Variants in SIM2 observed in about 807,000 individuals in gnomAD.
SIM2 encodes SIM bHLH transcription factor 2, also known as single-minded homolog 2.
SIM2 carries 28 observed loss-of-function variants against 64.8 expected under a neutral mutation model. The observed-to-expected ratio is 0.43, with a 90% CI of 0.32 to 0.59. The LOEUF (loss-of-function observed/expected upper bound fraction) is 0.59, where lower values mean the gene tolerates loss of function less well. Among genes scored for constraint, SIM2 ranks in the 20% least tolerant of loss-of-function variants. The pLI is 0.07. For synonymous variants in SIM2, 408 were observed against 391.1 expected, an observed-to-expected ratio of 1.04 and a Z score of -0.51; for missense variants, 847 against 871.4, an observed-to-expected ratio of 0.97 and a Z score of 0.35.
At chr21:36,743,315 G>A in intron 8 of SIM2, 72 bp from the exon 9 acceptor site, 1 of 1,404,642 alleles carries the variant, frequency 7.1e-7, no homozygotes, top group South Asian at 1.3e-5. Flanking sequence ...CCCTGCCCAA[G>A]GGCTGGGGCC....
Position 36,745,493 on chromosome 21 carries a change from A to AGCG in SIM2, c.1576+357_1576+358insGCG. Reference sequence around the variant, plus strand: ...AACACCCCAGCTGCATTTCTTTTGCAAGATTCCTTTCCACTCCAACCAGAA... The same window carrying AGCG: ...AACACCCCAGCTGCATTTCTTTTGCAGCGAGATTCCTTTCCACTCCAACCAGAA... On this transcript the variant is annotated intron_variant, in intron 10 of 10. Coordinates refer to ENST00000290399, the MANE Select transcript of SIM2 (RefSeq NM_005069.6). The surrounding 1 kb of genome is among the most constrained non-coding windows in gnomAD (Gnocchi z 4.8). 8.6e-7 allele frequency: 1 copy of AGCG among 1,159,262 alleles called. No homozygotes were observed. The highest frequency in any genetic ancestry group is 2.2e-5 in the South Asian group (1 of 46,316). 71.8% of individuals were successfully genotyped at this position (1,159,262 alleles called of 1,614,324 possible).
intron 7 of SIM2, among the ~76,000 whole-genome samples, chr21:36,737,527 C>CA (rs2089081529): frequency 6.6e-6 from 1 of 152,188 alleles, no homozygotes; most frequent in South Asian, 2.1e-4. Flanking sequence ...GTAAACCTGA[C>CA]AGTTTGTGTC....
At chr21:36,716,096 A>G (rs904085377) in intron 3 of SIM2, among the ~76,000 whole-genome samples, 6 of 152,228 alleles carry the variant, frequency 3.9e-5, no homozygotes, top group Non-Finnish European at 5.9e-5. Context: ...TCCACACACA[A>G]AGCATCTAGA....
chr21:36,724,595 C>CT (rs567047613), intron 5 of SIM2, among the ~76,000 whole-genome samples: 37 of 152,128 alleles, frequency 2.4e-4, no homozygotes, highest in African/African-American at 6.0e-4. Flanking sequence ...TGGGTCTTGA[C>CT]TTTTTTTTGC....
At chr21:36,743,967 G>A (rs965096712) in intron 9 of SIM2, among the ~76,000 whole-genome samples, 1 of 152,216 alleles carries the variant, frequency 6.6e-6, no homozygotes, top group Non-Finnish European at 1.5e-5. Flanking sequence ...AGCAATTGTC[G>A]GTTGGGCGTG....
chr21:36,720,071 A>C, intron 4 of SIM2, 142 bp downstream of exon 4: 6 of 624,696 alleles, frequency 9.6e-6, no homozygotes, highest in South Asian at 5.5e-5. Flanking sequence ...CAATACACAC[A>C]CAGCACCCAC....
At chr21:36,735,069 G>A (rs2089024408) in intron 7 of SIM2, among the ~76,000 whole-genome samples, 2 of 152,192 alleles carry the variant, frequency 1.3e-5, no homozygotes, top group South Asian at 4.1e-4. Context: ...AGGGAGGCTG[G>A]CGCTCAACGC....
At chr21:36,712,894 C>A (rs932218696) in intron 3 of SIM2, among the ~76,000 whole-genome samples, 2 of 152,192 alleles carry the variant, frequency 1.3e-5, no homozygotes, top group African/African-American at 4.8e-5. Flanking sequence ...TGCCAAAACC[C>A]GGACTATCTG....
At chr21:36,738,079 G>T (rs1186926854) in intron 7 of SIM2, among the ~76,000 whole-genome samples, 1 of 151,438 alleles carries the variant, frequency 6.6e-6, no homozygotes, top group East Asian at 1.9e-4. Flanking sequence ...TAGTCCTCTT[G>T]AAATCCGTGG....
At chr21:36,721,797 A>C (rs960291674) in intron 4 of SIM2, among the ~76,000 whole-genome samples, 1 of 152,038 alleles carries the variant, frequency 6.6e-6, no homozygotes, top group Non-Finnish European at 1.5e-5. Context: ...CCCCGGTTTC[A>C]TTTTACCCTG....
At chr21:36,729,815 A>G (rs1408735400) in intron 6 of SIM2, among the ~76,000 whole-genome samples, 1 of 152,212 alleles carries the variant, frequency 6.6e-6, no homozygotes, top group Non-Finnish European at 1.5e-5. Context: ...CATCGTTGCC[A>G]CGTGCAGCTT....
intron 8 of SIM2, 38 bp from the exon 9 acceptor site, chr21:36,743,349 G>A (rs376122916): frequency 3.6e-5 from 56 of 1,574,754 alleles, no homozygotes; most frequent in Admixed American, 7.4e-5. Flanking sequence ...GGCCTCCAGC[G>A]CCTGCTGGAC....
Position 36,712,576 on chromosome 21 carries a change from T to C in SIM2, c.302T>C (p.Ile101Thr), listed in dbSNP as rs761310285. Residue 101 changes from isoleucine (I) to threonine (T), a missense_variant, in exon 3 of 11, where the codon ATC (isoleucine) becomes ACC (threonine). Physicochemically the swap from Ile to Thr is moderately conservative, Grantham distance 89. Around this residue, in one of 3 missense-constraint regions of SIM2, gnomAD observed 397 missense variants for 439.2 expected, o/e 0.90. Transcript: ENST00000290399. ...TTTGTGGTAGCATCTGATGGCAAAA[T>C]CATGTATATATCCGAGACCGCTTCT... ...FVFVVASDGK[I>T]MYISETASVH... 1.2e-6 allele frequency: 2 copies of C among 1,613,934 alleles called. No individual in the cohort carries two copies. The highest frequency in any genetic ancestry group is 2.2e-5 in the South Asian group (2 of 91,042).
chr21:36,708,525 C>A (rs970133974), intron 1 of SIM2, among the ~76,000 whole-genome samples: 9 of 152,238 alleles, frequency 5.9e-5, no homozygotes, highest in Non-Finnish European at 1.2e-4. Context: ...TTGGAGTCTG[C>A]TCTCGGGGAG....
In SIM2 at chr21:36,741,982, GTTTT is replaced by G. The variant is rs1010250740; in HGVS notation, c.998+123_998+126del. 84 of 1,062,740 alleles carry G rather than the reference GTTTT, an allele frequency of 7.9e-5. 1 individual carries two copies. In the South Asian group the frequency reaches 1.7e-3, roughly 22 times the overall value. The allele number at this position is 1,062,740 out of a possible 1,614,324, so 65.8% of individuals were successfully genotyped here. The stretch of plus-strand genomic sequence containing the variant: ...TTCTCAAACTGTTCATTTGTCTTCT[GTTTT>G]TTTTCTTTTTTTTAATTTTTTTTTT... On this transcript the variant is annotated intron_variant, in intron 8 of 10. Coordinates refer to ENST00000290399, the MANE Select transcript of SIM2 (RefSeq NM_005069.6).
At chr21:36,709,287 G>T (rs779032912) in intron 2 of SIM2, 37 bp downstream of exon 2, 4 of 1,508,456 alleles carry the variant, frequency 2.7e-6, no homozygotes, top group South Asian at 1.2e-5. Flanking sequence ...CGCAGCCGCC[G>T]CAGGCTCCCT....
chr21:36,733,494 C>A (rs1251957996), intron 7 of SIM2, among the ~76,000 whole-genome samples: 1 of 151,998 alleles, frequency 6.6e-6, no homozygotes, highest in Non-Finnish European at 1.5e-5. Context: ...TGCACCTAGA[C>A]AAAAGTCTTC....
At chr21:36,743,310 C>A in intron 8 of SIM2, 77 bp from the exon 9 acceptor site, 2 of 1,354,750 alleles carry the variant, frequency 1.5e-6, no homozygotes, top group Non-Finnish European at 2.0e-6. Context: ...GAACGCCCTG[C>A]CCAAGGGCTG....
Position 36,749,420 on chromosome 21 carries a change from C to A in SIM2, c.*1328C>A, listed in dbSNP as rs191663786. 2 of 151,420 alleles carry A rather than the reference C, an allele frequency of 1.3e-5. No individual in the cohort carries two copies. The highest frequency in any genetic ancestry group is 4.9e-5 in the African/African-American group (2 of 41,106). The allele number at this position is 151,420 out of a possible 1,614,324, so 9.4% of individuals were successfully genotyped here. On this transcript the variant is annotated 3_prime_UTR_variant, in exon 11 of 11. Transcript: ENST00000290399. ...ATCGTTCTAAAATCAAGTGCACCTA[C>A]ACCAACTGCTCTCAAAATGTGAACT...
Sources: allele counts gnomAD v4.1 joint callset (sites outside exome capture counted in the v4.1 genomes callset), GRCh38; gene constraint gnomAD v4.1.1; regional missense constraint gnomAD v4.1.1; non-coding constraint Gnocchi (gnomAD v3.1); transcripts MANE v1.5; gene names NCBI Gene and HGNC (gene_info 2026-07-23, HGNC 2026-07-21).